GRID2: variants seen among roughly 807,000 people sequenced by gnomAD.
The protein encoded by GRID2 is glutamate ionotropic receptor delta type subunit 2.
In GRID2, 33 loss-of-function variants were observed where a neutral mutation model predicts 114.8. The observed-to-expected ratio is 0.29, with a 90% confidence interval of 0.22 to 0.38. The LOEUF is 0.38. Among genes scored for constraint, GRID2 ranks in the 10% least tolerant of loss-of-function variants. The pLI, the probability that GRID2 is intolerant of heterozygous loss-of-function variation, is 1.00. For synonymous variants in GRID2, 505 were observed against 449.9 expected, an observed-to-expected ratio of 1.12 and a Z score of -1.55; for missense variants, 1,184 against 1,257.7, an observed-to-expected ratio of 0.94 and a Z score of 0.89.
intron 3 of GRID2, among the ~76,000 whole-genome samples, chr4:93,105,351 C>T (rs1166897427): frequency 6.6e-6 from 1 of 152,100 alleles, no homozygotes; most frequent in Non-Finnish European, 1.5e-5. Context: ...GTTGCCATTG[C>T]TTTTGGTGTT....
chr4:92,308,110 A>C (rs746654856), intron 1 of GRID2, among the ~76,000 whole-genome samples: 1 of 152,184 alleles, frequency 6.6e-6, no homozygotes, highest in Non-Finnish European at 1.5e-5. Flanking sequence ...TTTTCTTCAT[A>C]CATCAGTCGT....
intron 1 of GRID2, among the ~76,000 whole-genome samples, chr4:92,539,958 A>T (rs1725843486): frequency 6.6e-6 from 1 of 152,156 alleles, no homozygotes; most frequent in Admixed American, 6.5e-5. Context: ...GTATAGACCA[A>T]TGGAACAGAA....
chr4:93,080,236 C>T (rs566218375), intron 2 of GRID2, among the ~76,000 whole-genome samples: 1 of 151,928 alleles, frequency 6.6e-6, no homozygotes, highest in Non-Finnish European at 1.5e-5. Flanking sequence ...AAAAAGCAAT[C>T]ATAAATAGTA....
At chr4:93,754,003 A>G (rs929737988) in intron 14 of GRID2, among the ~76,000 whole-genome samples, 18 of 152,214 alleles carry the variant, frequency 1.2e-4, no homozygotes, top group African/African-American at 4.3e-4. Context: ...ACACAAATCT[A>G]GACGGTATAG....
intron 2 of GRID2, among the ~76,000 whole-genome samples, chr4:92,929,995 G>C (rs1750103262): frequency 1.3e-5 from 2 of 151,204 alleles, no homozygotes; most frequent in Non-Finnish European, 3.0e-5. Flanking sequence ...TATTTCTGGT[G>C]AAAATATGGG....
intron 2 of GRID2, among the ~76,000 whole-genome samples, chr4:93,061,389 G>C (rs1332911312): frequency 3.3e-5 from 5 of 151,776 alleles, no homozygotes; most frequent in African/African-American, 7.3e-5. Context: ...ATAGATAGTA[G>C]ACGTACCAGA....
chr4:92,313,545 A>C (rs1725819198), intron 1 of GRID2, among the ~76,000 whole-genome samples: 1 of 152,086 alleles, frequency 6.6e-6, no homozygotes, highest in African/African-American at 2.4e-5. Flanking sequence ...ACGTGCAGAG[A>C]GAGAAGAGTT....
intron 1 of GRID2, among the ~76,000 whole-genome samples, chr4:92,560,964 T>C (rs1235864085): frequency 1.3e-5 from 2 of 152,142 alleles, no homozygotes; most frequent in Non-Finnish European, 2.9e-5. Flanking sequence ...CGCCTCAGCC[T>C]CCCAAAATGC....
intron 1 of GRID2, among the ~76,000 whole-genome samples, chr4:92,427,833 T>C (rs1441117498): frequency 6.6e-6 from 1 of 152,224 alleles, no homozygotes; most frequent in Non-Finnish European, 1.5e-5. Flanking sequence ...TGTTGTGTTT[T>C]CTACTCTAAT....
chr4:93,503,937 C>A (rs1335773791), intron 12 of GRID2, among the ~76,000 whole-genome samples: 1 of 151,940 alleles, frequency 6.6e-6, no homozygotes, highest in Non-Finnish European at 1.5e-5. Context: ...AAACTTGGCC[C>A]CCTGTTCCTG....
chr4:93,359,093 C>G (rs1019008231), intron 8 of GRID2, among the ~76,000 whole-genome samples: 2 of 151,978 alleles, frequency 1.3e-5, no homozygotes, highest in South Asian at 4.1e-4. Context: ...TGGCAAGTCA[C>G]CTAAGATAGC....
chr4:93,608,314 T>TA (rs536361396), intron 13 of GRID2, among the ~76,000 whole-genome samples: 2 of 144,084 alleles, frequency 1.4e-5, no homozygotes, highest in African/African-American at 5.3e-5. Context: ...TTTTTTAATT[T>TA]TTTTTTTTTA....
chr4:92,719,745 A>G (rs1252712530), intron 2 of GRID2, among the ~76,000 whole-genome samples: 2 of 152,136 alleles, frequency 1.3e-5, no homozygotes, highest in Non-Finnish European at 2.9e-5. Flanking sequence ...AATAGGGGGA[A>G]GAAAAGATGA....
At chr4:92,563,218 T>C (rs1305795293) in intron 1 of GRID2, among the ~76,000 whole-genome samples, 1 of 152,154 alleles carries the variant, frequency 6.6e-6, no homozygotes, top group East Asian at 1.9e-4. Flanking sequence ...GCTAATAATA[T>C]TAGTTAAGCT....
intron 8 of GRID2, among the ~76,000 whole-genome samples, chr4:93,359,428 A>G (rs1027882887): frequency 6.6e-6 from 1 of 151,938 alleles, no homozygotes; most frequent in African/African-American, 2.4e-5. Context: ...TTGAGCTACA[A>G]ACAATCCAAT....
At chr4:92,869,403 A>G (rs976540633) in intron 2 of GRID2, among the ~76,000 whole-genome samples, 1 of 152,222 alleles carries the variant, frequency 6.6e-6, no homozygotes, top group East Asian at 1.9e-4. Context: ...GATGAGGTCC[A>G]CATGGATATA....
intron 4 of GRID2, among the ~76,000 whole-genome samples, chr4:93,173,008 G>C (rs1017336141): frequency 2.6e-5 from 4 of 151,580 alleles, no homozygotes; most frequent in Non-Finnish European, 5.9e-5. Flanking sequence ...ATTTCATGAA[G>C]AAAATATTAT....
chr4:92,836,139 C>T (rs1742441785), intron 2 of GRID2, among the ~76,000 whole-genome samples: 1 of 152,030 alleles, frequency 6.6e-6, no homozygotes, highest in Non-Finnish European at 1.5e-5. Flanking sequence ...TAGCTGTTTT[C>T]TCACTGTAAC....
At chr4:93,249,140 A>G (rs1425953742) in intron 8 of GRID2, among the ~76,000 whole-genome samples, 1 of 152,102 alleles carries the variant, frequency 6.6e-6, no homozygotes, top group African/African-American at 2.4e-5. Context: ...TCCTTTCACC[A>G]TTGCTTGTTT....
Sources: allele counts gnomAD v4.1 joint callset (sites outside exome capture counted in the v4.1 genomes callset), GRCh38; gene constraint gnomAD v4.1.1; transcripts MANE v1.5; gene names NCBI Gene and HGNC (gene_info 2026-07-23, HGNC 2026-07-21).